ARHGAP21: variants seen among roughly 807,000 people sequenced by gnomAD.
ARHGAP21 encodes rho GTPase-activating protein 21.
Under a neutral mutation model 164.6 loss-of-function variants are expected in ARHGAP21, and 38 were observed. The observed-to-expected ratio is 0.23, with a 90% CI of 0.18 to 0.30. ARHGAP21 has a LOEUF of 0.30. Ranked by LOEUF, ARHGAP21 falls within the 10% of genes least tolerant of loss-of-function variation. The pLI is 1.00. For missense variants in ARHGAP21, 1,822 were observed against 2,370.7 expected, an observed-to-expected ratio of 0.77 and a Z score of 4.81; for synonymous variants, 766 against 857.9, an observed-to-expected ratio of 0.89 and a Z score of 1.87.
chr10:24,701,924 G>T (rs1287064674), intron 2 of ARHGAP21, among the ~76,000 whole-genome samples: 1 of 152,066 alleles, frequency 6.6e-6, no homozygotes, highest in Non-Finnish European at 1.5e-5. Flanking sequence ...TATGTATGTG[G>T]CTGTGTAATA....
At chr10:24,624,172 T>C (rs1834846514) in intron 7 of ARHGAP21, among the ~76,000 whole-genome samples, 1 of 152,138 alleles carries the variant, frequency 6.6e-6, no homozygotes, top group East Asian at 1.9e-4. Flanking sequence ...TTATCTAATG[T>C]AAGCAGATAT....
intron 6 of ARHGAP21, among the ~76,000 whole-genome samples, chr10:24,632,171 T>A (rs1835911122): frequency 6.6e-6 from 1 of 152,216 alleles, no homozygotes; most frequent in Non-Finnish European, 1.5e-5. Flanking sequence ...TCAAATTGAT[T>A]TTAGTGGTTG....
chr10:24,648,570 C>T (rs1837825164), intron 4 of ARHGAP21, among the ~76,000 whole-genome samples: 1 of 152,104 alleles, frequency 6.6e-6, no homozygotes. Flanking sequence ...ACCTTGAGGT[C>T]AGGAGTTCAA....
At position 24,597,687 on chromosome 10, in the gene ARHGAP21, T is replaced by G. The variant is rs577545139; in HGVS notation, c.3198-104A>C. On this transcript the variant is annotated intron_variant, in intron 15 of 25. Transcript: ENST00000396432. ...TGGTCTGAAAATATTAACTGGAAAA[T>G]TCTTGGAATAAACAATTCATAAGCT... 161 of 1,492,630 alleles carry G rather than the reference T, an allele frequency of 1.1e-4. 1 individual carries two copies. In the South Asian group the frequency reaches 2.0e-3, roughly 19 times the overall value. The allele number at this position is 1,492,630 out of a possible 1,614,324, so 92.5% of individuals were successfully genotyped here. A position where few individuals can be genotyped will look rare whatever the true frequency, so the allele number is the denominator to read the frequency against.
chr10:24,688,602 T>G (rs1050124325), intron 2 of ARHGAP21, among the ~76,000 whole-genome samples: 5 of 152,032 alleles, frequency 3.3e-5, no homozygotes, highest in Non-Finnish European at 5.9e-5. Flanking sequence ...GATGACGAAA[T>G]GGTTTTTCAC....
In ARHGAP21 at chr10:24,607,596, C is replaced by G; in HGVS notation, c.2587G>C (p.Val863Leu). Residue 863 changes from valine to leucine, a missense_variant, in exon 11 of 26, where the codon GTT becomes CTT. Physicochemically the swap from Val to Leu is conservative, Grantham distance 32. This residue lies in a region of ARHGAP21 where 1,090 missense variants were observed against 1,378.9 expected (regional missense o/e 0.79). Coordinates refer to ENST00000396432, the MANE Select transcript of ARHGAP21 (RefSeq NM_020824.4). ...RRQLSHDHES[V>L]GPPSLDAQPN... ...TGAGCATCCAGGCTAGGAGGGCCAA[C>G]AGATTCTGTAATTAATTAAAATCCA... 6.2e-7 allele frequency: 1 copy of G among 1,613,970 alleles called. No individual in the cohort carries two copies. Among genetic ancestry groups the G allele is most frequent in the South Asian group, 1.1e-5 (1 of 91,066 alleles).
At chr10:24,683,560 T>C (rs1203048476) in intron 2 of ARHGAP21, among the ~76,000 whole-genome samples, 1 of 152,064 alleles carries the variant, frequency 6.6e-6, no homozygotes, top group Non-Finnish European at 1.5e-5. Flanking sequence ...GGCATGAGCC[T>C]GGCTCACTGC....
chr10:24,602,322 G>T (rs2076847320), intron 12 of ARHGAP21, among the ~76,000 whole-genome samples: 1 of 152,038 alleles, frequency 6.6e-6, no homozygotes, highest in African/African-American at 2.4e-5. Context: ...TAATTTTCCT[G>T]TTCTTATTAG....
intron 2 of ARHGAP21, among the ~76,000 whole-genome samples, chr10:24,700,321 T>G (rs1843546153): frequency 6.6e-6 from 1 of 152,124 alleles, no homozygotes; most frequent in Admixed American, 6.5e-5. Flanking sequence ...AGTGTGGAAG[T>G]GCGCCGCAAG....
At chr10:24,610,487 G>GCTA (rs746626149) in intron 9 of ARHGAP21, among the ~76,000 whole-genome samples, 62 of 151,806 alleles carry the variant, frequency 4.1e-4, no homozygotes, top group Non-Finnish European at 7.4e-5. Context: ...ATTCAATGTG[G>GCTA]CTACTGTTCC....
intron 9 of ARHGAP21, among the ~76,000 whole-genome samples, chr10:24,611,940 C>G (rs1280772739): frequency 6.6e-6 from 1 of 152,102 alleles, no homozygotes; most frequent in South Asian, 2.1e-4. Flanking sequence ...AGCACCCTGA[C>G]AAATGTGCAT....
At chr10:24,708,854 G>C (rs113377314) in intron 2 of ARHGAP21, among the ~76,000 whole-genome samples, 2,650 of 152,296 alleles carry the variant, frequency 0.017, 70 homozygotes, top group African/African-American at 0.053. Flanking sequence ...TGGACACTTA[G>C]GTTGATTCCA....
intron 2 of ARHGAP21, among the ~76,000 whole-genome samples, chr10:24,670,762 C>T (rs1389056740): frequency 6.6e-6 from 1 of 152,118 alleles, no homozygotes; most frequent in East Asian, 1.9e-4. Context: ...CATGAAAGAA[C>T]AGATATAAAA....
At chr10:24,667,062 G>C in intron 3 of ARHGAP21, 53 bp from the exon 4 acceptor site, 1 of 998,316 alleles carries the variant, frequency 1.0e-6, no homozygotes, top group South Asian at 1.6e-5. Flanking sequence ...ATAAACTCTT[G>C]TTAATCACAG....
chr10:24,627,866 T>C (rs1014222093), intron 7 of ARHGAP21, among the ~76,000 whole-genome samples: 1 of 152,240 alleles, frequency 6.6e-6, no homozygotes, highest in Non-Finnish European at 1.5e-5. Context: ...ATGGCGATTC[T>C]GCATTTAATT....
rs538189817 is a variant in ARHGAP21 at position 24,655,546 on chromosome 10, G to A, written c.268+11439C>T. On this transcript the variant is annotated intron_variant, in intron 4 of 25. Transcript: ENST00000396432. ...TGCTCATCATCGCGGCTGGAGGAGC[G>A]GACGGGCCCCGCGGGGCCCGAGGGC... Among the ~76,000 whole-genome samples, 15 of 152,250 alleles carry A rather than the reference G, an allele frequency of 9.9e-5. No individual in the cohort carries two copies. The South Asian group carries it at 1.2e-3, about 13-fold the overall frequency.
intron 6 of ARHGAP21, among the ~76,000 whole-genome samples, chr10:24,632,085 T>C (rs1835906743): frequency 6.6e-6 from 1 of 152,158 alleles, no homozygotes; most frequent in South Asian, 2.1e-4. Flanking sequence ...CATTACCCAT[T>C]TGCTACCAAC....
intron 4 of ARHGAP21, among the ~76,000 whole-genome samples, chr10:24,647,626 C>T (rs1353892520): frequency 1.3e-5 from 2 of 152,126 alleles, no homozygotes; most frequent in Non-Finnish European, 2.9e-5. Context: ...ATTAGAAATA[C>T]CCCAGTGCAC....
At chr10:24,685,749 G>A (rs1313411480) in intron 2 of ARHGAP21, among the ~76,000 whole-genome samples, 6 of 152,110 alleles carry the variant, frequency 3.9e-5, no homozygotes, top group South Asian at 2.1e-4. Context: ...GGTGGCAGAC[G>A]CCAGTAATCC....
Sources: allele counts gnomAD v4.1 joint callset (sites outside exome capture counted in the v4.1 genomes callset), GRCh38; gene constraint gnomAD v4.1.1; regional missense constraint gnomAD v4.1.1; transcripts MANE v1.5; gene names NCBI Gene and HGNC (gene_info 2026-07-23, HGNC 2026-07-21).